FNBP1L: variants seen among roughly 807,000 people sequenced by gnomAD.
FNBP1L encodes the protein formin binding protein 1 like, also known as formin-binding protein 1-like.
A neutral mutation model predicts 91.2 loss-of-function variants in FNBP1L; 36 were observed. The ratio of observed to expected loss-of-function variants is 0.39; its 90% CI spans 0.30 to 0.52. FNBP1L has a LOEUF of 0.52. FNBP1L is among the 20% of genes least tolerant of loss of function. The pLI is 0.66. For synonymous variants in FNBP1L, 242 were observed against 237.0 expected (o/e 1.02, Z -0.19); for missense variants, 571 against 732.1 (o/e 0.78, Z 2.54).
At chr1:93,502,213 C>A (rs994013799) in intron 2 of FNBP1L, among the ~76,000 whole-genome samples, 3 of 152,148 alleles carry the variant, frequency 2.0e-5, no homozygotes, top group Admixed American at 6.5e-5. Flanking sequence ...GATTATGTTA[C>A]AATGATTACC....
intron 1 of FNBP1L, among the ~76,000 whole-genome samples, chr1:93,475,435 A>C (rs1186964947): frequency 2.6e-5 from 4 of 152,012 alleles, no homozygotes; most frequent in Admixed American, 2.0e-4. Flanking sequence ...GCTATTTGGG[A>C]GGCTGAGGTG....
At chr1:93,538,317 C>T (rs1345220010) in intron 10 of FNBP1L, among the ~76,000 whole-genome samples, 2 of 149,332 alleles carry the variant, frequency 1.3e-5, no homozygotes, top group African/African-American at 4.9e-5. Context: ...AAACTTAAAA[C>T]TATTTGCTTA....
intron 1 of FNBP1L, among the ~76,000 whole-genome samples, chr1:93,493,154 C>T (rs913166410): frequency 3.9e-5 from 6 of 152,110 alleles, no homozygotes; most frequent in African/African-American, 1.2e-4. Context: ...GTCCCAGCTA[C>T]TTGAGAAGCT....
chr1:93,483,027 A>AAAAAAAC (rs1557784807), intron 1 of FNBP1L, among the ~76,000 whole-genome samples: 4 of 150,522 alleles, frequency 2.7e-5, no homozygotes, highest in Non-Finnish European at 4.4e-5. Context: ...AAAAAAAACA[A>AAAAAAAC]AAAAAACAAA....
At chr1:93,510,091 A>G (rs1430532770) in intron 2 of FNBP1L, among the ~76,000 whole-genome samples, 13 of 151,658 alleles carry the variant, frequency 8.6e-5, no homozygotes, top group African/African-American at 1.7e-4. Flanking sequence ...CAGGAAGCTC[A>G]AACTGGGTGG....
chr1:93,540,844 C>CTT (rs55649797), intron 10 of FNBP1L, among the ~76,000 whole-genome samples, 198 bp from the exon 11 acceptor site: 3 of 122,892 alleles, frequency 2.4e-5, no homozygotes, highest in East Asian at 2.3e-4. Flanking sequence ...TCAATGTATG[C>CTT]TTTTTTTTTT....
intron 1 of FNBP1L, among the ~76,000 whole-genome samples, chr1:93,448,956 T>C (rs1307046237): frequency 6.6e-6 from 1 of 152,214 alleles, no homozygotes. Context: ...GACTCCGGTT[T>C]GGCCACCCCC....
At chr1:93,459,068 G>A (rs1051247841) in intron 1 of FNBP1L, among the ~76,000 whole-genome samples, 1 of 152,172 alleles carries the variant, frequency 6.6e-6, no homozygotes, top group African/African-American at 2.4e-5. Flanking sequence ...TGAGGCCAGA[G>A]ATATGAGACC....
At chr1:93,505,868 G>A (rs61784064) in intron 2 of FNBP1L, among the ~76,000 whole-genome samples, 1,594 of 152,182 alleles carry the variant, frequency 0.01, 16 homozygotes, top group Non-Finnish European at 0.016. Flanking sequence ...TAGTAGAGAC[G>A]GGGTTTTACC....
intron 9 of FNBP1L, among the ~76,000 whole-genome samples, chr1:93,535,483 A>C (rs1273658396): frequency 3.3e-5 from 5 of 152,128 alleles, no homozygotes; most frequent in Non-Finnish European, 7.4e-5. Flanking sequence ...TGAGCAAATG[A>C]AATAGATGGG....
intron 3 of FNBP1L, among the ~76,000 whole-genome samples, 169 bp from the exon 4 acceptor site, chr1:93,523,175 C>T (rs1164763363): frequency 6.6e-6 from 1 of 152,130 alleles, no homozygotes; most frequent in Non-Finnish European, 1.5e-5. Flanking sequence ...ACATGTATGA[C>T]TTGAGCTTAA....
At chr1:93,548,262 T>C (rs1318260490) in intron 14 of FNBP1L, among the ~76,000 whole-genome samples, 2 of 152,218 alleles carry the variant, frequency 1.3e-5, no homozygotes, top group Non-Finnish European at 2.9e-5. Context: ...TTCTTTGGCA[T>C]GTGTTATTTC....
intron 2 of FNBP1L, among the ~76,000 whole-genome samples, chr1:93,512,283 T>TG (rs1670883291): frequency 1.3e-5 from 2 of 151,812 alleles, no homozygotes; most frequent in South Asian, 2.1e-4. Context: ...AAGTCCTGAG[T>TG]GACCTACAAA....
At chr1:93,495,138 TATCTC>T (rs1264654934) in intron 1 of FNBP1L, among the ~76,000 whole-genome samples, 10 of 152,264 alleles carry the variant, frequency 6.6e-5, no homozygotes, top group African/African-American at 2.4e-4. Flanking sequence ...TAAAATAAAT[TATCTC>T]AGCAAATACT....
chr1:93,516,482 G>T (rs1203765290), intron 2 of FNBP1L, among the ~76,000 whole-genome samples: 1 of 152,124 alleles, frequency 6.6e-6, no homozygotes, highest in Non-Finnish European at 1.5e-5. Context: ...GCTTTGGCTT[G>T]TCCCTTGACC....
chr1:93,486,713 C>T (rs1309243396), intron 1 of FNBP1L, among the ~76,000 whole-genome samples: 2 of 152,082 alleles, frequency 1.3e-5, no homozygotes, highest in Admixed American at 6.6e-5. Context: ...CTCCTACTAC[C>T]ACATCTACCA....
intron 1 of FNBP1L, 147 bp from the exon 2 acceptor site, chr1:93,499,321 A>C (rs1294324489): frequency 2.1e-5 from 13 of 628,960 alleles, no homozygotes; most frequent in Non-Finnish European, 3.1e-5. Context: ...CTAGGTCTTA[A>C]AGGGTGAAGT....
intron 2 of FNBP1L, among the ~76,000 whole-genome samples, chr1:93,510,702 T>G (rs1557800353): frequency 6.6e-6 from 1 of 151,960 alleles, no homozygotes; most frequent in Non-Finnish European, 1.5e-5. Context: ...AGTTGAAAAC[T>G]TTGAAAAAAA....
In FNBP1L at chr1:93,553,581, C is replaced by G. The variant is rs1259013233; in HGVS notation, c.*1165C>G. 6.6e-6 allele frequency: 1 copy of G among 152,636 alleles called. No homozygotes were observed. Among genetic ancestry groups the G allele is most frequent in the African/African-American group, 2.4e-5 (1 of 41,458 alleles). 9.5% of individuals were successfully genotyped at this position (152,636 alleles called of 1,614,324 possible). ...TCTTTTTATTTTGGGTTATGACGAT[C>G]ATGTTTGATAATTACAATGATAGTC... is the stretch of plus-strand genomic sequence containing the variant. On this transcript the variant is annotated 3_prime_UTR_variant, in exon 17 of 17. Transcript: ENST00000271234.
Sources: allele counts gnomAD v4.1 joint callset (sites outside exome capture counted in the v4.1 genomes callset), GRCh38; gene constraint gnomAD v4.1.1; transcripts MANE v1.5; gene names NCBI Gene and HGNC (gene_info 2026-07-23, HGNC 2026-07-21).